The following AFF2 variants were observed in gnomAD, a reference collection of about 807,000 sequenced individuals.
AFF2 encodes the protein AF4/FMR2 family member 2.
A neutral mutation model predicts 76.9 loss-of-function variants in AFF2; 14 were observed. The ratio of observed to expected loss-of-function variants is 0.18; its 90% CI spans 0.12 to 0.28. The LOEUF (loss-of-function observed/expected upper bound fraction) is 0.28, where lower values mean the gene tolerates loss of function less well. Ranked by LOEUF, AFF2 falls within the 10% of genes least tolerant of loss-of-function variation. AFF2 has a pLI of 1.00. For missense variants in AFF2, 868 were observed against 1,001.1 expected (o/e 0.87, Z 1.79); for synonymous variants, 398 against 366.7 (o/e 1.09, Z -0.98).
intron 7 of AFF2, among the ~76,000 whole-genome samples, chrX:148,851,723 CATAGA>C (rs1366428564): frequency 8.9e-6 from 1 of 111,963 alleles, no homozygotes; most frequent in Non-Finnish European, 1.9e-5. Context: ...TTTGTAACTA[CATAGA>C]ATATTTCTTC....
chrX:148,567,484 A>G (rs781980636), intron 1 of AFF2, among the ~76,000 whole-genome samples: 2 of 111,804 alleles, frequency 1.8e-5, no homozygotes, highest in African/African-American at 6.5e-5. Context: ...TTCAAGGGTT[A>G]TTTATGGTGA....
intron 1 of AFF2, among the ~76,000 whole-genome samples, chrX:148,597,659 C>T (rs937643951): frequency 1.3e-4 from 14 of 111,732 alleles, no homozygotes; most frequent in Non-Finnish European, 1.1e-4. Flanking sequence ...AACAGAACTA[C>T]GTTTCATGCA....
intron 1 of AFF2, among the ~76,000 whole-genome samples, chrX:148,577,167 C>T (rs1415362097): frequency 7.2e-5 from 8 of 111,842 alleles, no homozygotes; most frequent in African/African-American, 2.6e-4. Flanking sequence ...CATGAAAAAG[C>T]CTAGTGTTAC....
chrX:148,876,129 C>T (rs1389103859), intron 7 of AFF2, among the ~76,000 whole-genome samples: 1 of 111,898 alleles, frequency 8.9e-6, no homozygotes, highest in Non-Finnish European at 1.9e-5. Flanking sequence ...TCTGATGTGT[C>T]AGGATAATTC....
intron 3 of AFF2, among the ~76,000 whole-genome samples, chrX:148,671,231 T>A (rs1435607072): frequency 8.9e-6 from 1 of 112,214 alleles, no homozygotes; most frequent in Non-Finnish European, 1.9e-5. Context: ...TACTCTGTTT[T>A]AACAAAATTT....
At chrX:148,793,194 A>G (rs1467964816) in intron 3 of AFF2, among the ~76,000 whole-genome samples, 1 of 103,169 alleles carries the variant, frequency 9.7e-6, no homozygotes. Context: ...CTAACATAAC[A>G]TACCTGGCAC....
At chrX:148,677,969 G>A (rs367694699) in intron 3 of AFF2, among the ~76,000 whole-genome samples, 1 of 111,915 alleles carries the variant, frequency 8.9e-6, no homozygotes, top group African/African-American at 3.2e-5. Context: ...GAAGCAGGAG[G>A]AAAGAGTGGA....
At chrX:148,560,685 A>G (rs1332667616) in intron 1 of AFF2, among the ~76,000 whole-genome samples, 1 of 112,382 alleles carries the variant, frequency 8.9e-6, no homozygotes, top group African/African-American at 3.2e-5. Context: ...ACAAATTTGT[A>G]TGGAAATATC....
At chrX:148,543,926 TG>T (rs2052889224) in intron 1 of AFF2, among the ~76,000 whole-genome samples, 1 of 112,455 alleles carries the variant, frequency 8.9e-6, no homozygotes, top group Admixed American at 9.4e-5. Context: ...TATTTATTTT[TG>T]TCCCTCCATG....
intron 3 of AFF2, among the ~76,000 whole-genome samples, chrX:148,676,277 A>T (rs1478612177): frequency 2.8e-5 from 3 of 107,889 alleles, no homozygotes; most frequent in Non-Finnish European, 5.8e-5. Flanking sequence ...CGATCTCCTG[A>T]CCTCGTGATC....
intron 3 of AFF2, among the ~76,000 whole-genome samples, chrX:148,739,574 A>G (rs1484631224): frequency 9.0e-6 from 1 of 111,693 alleles, no homozygotes; most frequent in Non-Finnish European, 1.9e-5. Flanking sequence ...GTGACTTCTT[A>G]TCCATTCTGC....
At chrX:148,520,166 A>G (rs2052579360) in intron 1 of AFF2, among the ~76,000 whole-genome samples, 1 of 111,617 alleles carries the variant, frequency 9.0e-6, no homozygotes, top group Non-Finnish European at 1.9e-5. Context: ...CCCGAAATGC[A>G]TATTGCCTCA....
At chrX:148,780,084 T>C (rs1437242111) in intron 3 of AFF2, among the ~76,000 whole-genome samples, 1 of 112,384 alleles carries the variant, frequency 8.9e-6, no homozygotes, top group African/African-American at 3.2e-5. Context: ...CCCCACTCTC[T>C]TCTGGCTTTT....
At chrX:148,630,507 A>T (rs1603263336) in intron 1 of AFF2, among the ~76,000 whole-genome samples, 1 of 111,791 alleles carries the variant, frequency 8.9e-6, no homozygotes, top group East Asian at 2.9e-4. Flanking sequence ...GGTTCCAATG[A>T]TGTTTCCAAG....
At chrX:148,961,590 T>A (rs782058514) in intron 12 of AFF2, among the ~76,000 whole-genome samples, 45 of 112,278 alleles carry the variant, frequency 4.0e-4, no homozygotes, top group Non-Finnish European at 7.3e-4. Flanking sequence ...ATTGGCAATT[T>A]TGTGCAACAC....
Position 148,745,957 on chromosome X carries a change from G to A in AFF2, c.1042-63919G>A, listed in dbSNP as rs150389242. On this transcript the variant is annotated intron_variant, in intron 3 of 20. Coordinates refer to ENST00000370460, the MANE Select transcript of AFF2 (RefSeq NM_002025.4). ...AGGGTTTTGCCATGTTGGCCAGGCT[G>A]GTCTTGAACTCCTGACCTCAAGTGA... Among the ~76,000 whole-genome samples, 429 of 110,651 alleles carry A rather than the reference G, an allele frequency of 3.9e-3. 12 individuals are homozygous for A. In the East Asian group the frequency reaches 0.098, roughly 25 times the overall value.
intron 7 of AFF2, among the ~76,000 whole-genome samples, chrX:148,849,772 GT>G (rs782486203): frequency 1.8e-5 from 2 of 111,518 alleles, no homozygotes; most frequent in Non-Finnish European, 3.8e-5. Context: ...AAGTGGCACA[GT>G]AACAAAGAGG....
At chrX:148,598,610 T>A (rs1979922423) in intron 1 of AFF2, among the ~76,000 whole-genome samples, 1 of 111,501 alleles carries the variant, frequency 9.0e-6, no homozygotes, top group East Asian at 2.8e-4. Flanking sequence ...CTAGGAACAA[T>A]AACGGTGTTA....
intron 1 of AFF2, among the ~76,000 whole-genome samples, chrX:148,614,721 C>CT (rs781900027): frequency 2.3e-4 from 15 of 65,592 alleles, no homozygotes; most frequent in East Asian, 1.6e-3. Context: ...TTCTTTCTTT[C>CT]TTTCTTTCTT....
Sources: gnomAD v4.1 joint callset for allele counts (sites outside exome capture counted in the v4.1 genomes callset) on GRCh38, gnomAD v4.1.1 for gene constraint, MANE v1.5 for transcripts, NCBI Gene and HGNC (gene_info 2026-07-23, HGNC 2026-07-21) for gene names.